BCORL1: variants seen among roughly 807,000 people sequenced by gnomAD.
BCORL1 encodes BCL-6 corepressor-like protein 1.
A neutral mutation model predicts 87.6 loss-of-function variants in BCORL1; 7 were observed. The ratio of observed to expected loss-of-function variants is 0.08; its 90% CI spans 0.05 to 0.15. The LOEUF is 0.15. BCORL1 is among the 10% of genes least tolerant of loss of function. The probability of loss-of-function intolerance (pLI) is 1.00; values close to 1 mark genes in which losing one functional copy is unlikely to be tolerated. For missense variants in BCORL1, 1,215 were observed against 1,499.7 expected (o/e 0.81, Z 3.13); for synonymous variants, 591 against 634.4 (o/e 0.93, Z 1.03).
chrX:130,037,842 G>A (rs774505360), intron 10 of BCORL1, among the ~76,000 whole-genome samples: 3 of 111,612 alleles, frequency 2.7e-5, no homozygotes, highest in Admixed American at 9.5e-5. Context: ...AGTGAGCCGC[G>A]ACCATGCCAT....
intron 5 of BCORL1, among the ~76,000 whole-genome samples, chrX:130,021,674 A>G (rs142357493): frequency 3.6e-5 from 4 of 111,552 alleles, no homozygotes; most frequent in African/African-American, 9.8e-5. Flanking sequence ...TTTTGCCACT[A>G]ATAGTTTCTG....
At chrX:130,052,735 C>T (rs1009344174) in intron 13 of BCORL1, among the ~76,000 whole-genome samples, 1 of 112,543 alleles carries the variant, frequency 8.9e-6, no homozygotes, top group African/African-American at 3.2e-5. Flanking sequence ...TTATTCTTAG[C>T]CTCCATGATT....
At chrX:129,994,774 A>G (rs1366861067) in intron 1 of BCORL1, among the ~76,000 whole-genome samples, 1 of 108,700 alleles carries the variant, frequency 9.2e-6, no homozygotes, top group African/African-American at 3.5e-5. Context: ...CCCTTGGGGT[A>G]GATATCAGTG....
At chrX:130,002,338 G>T (rs1928112423) in intron 1 of BCORL1, among the ~76,000 whole-genome samples, 1 of 109,595 alleles carries the variant, frequency 9.1e-6, no homozygotes, top group Admixed American at 9.9e-5. Context: ...GGAGTCATCA[G>T]TGCATCAAGG....
intron 1 of BCORL1, among the ~76,000 whole-genome samples, chrX:129,992,322 T>A (rs974722822): frequency 1.8e-5 from 2 of 110,824 alleles, no homozygotes; most frequent in Non-Finnish European, 3.8e-5. Context: ...TGTGGTGGCA[T>A]GTGTCTATAG....
chrX:129,988,370 A>G (rs1926797493), intron 1 of BCORL1, among the ~76,000 whole-genome samples: 1 of 110,981 alleles, frequency 9.0e-6, no homozygotes, highest in Admixed American at 9.7e-5. Flanking sequence ...CTGTGTTTCT[A>G]TCCCCGTAAT....
chrX:129,998,476 G>C (rs929618305), intron 1 of BCORL1, among the ~76,000 whole-genome samples: 2 of 111,638 alleles, frequency 1.8e-5, no homozygotes, highest in Admixed American at 9.5e-5. Context: ...TGCCTGCAAG[G>C]CTTTTCCTTT....
Position 130,028,735 on chromosome X carries a change from G to A in BCORL1, c.4179G>A (p.Ser1393=), listed in dbSNP as rs202175368. The A allele has an allele frequency of 1.4e-5, 17 of 1,207,904 alleles. No homozygotes were observed. The East Asian group carries it at 2.4e-4, about 17-fold the overall frequency. ...TGCCCAACAAAGTCCAGGGGATCTCGGATTCACCAAACGGTTTCCTCCCAA... is the reference window on the plus strand; with the variant it reads ...TGCCCAACAAAGTCCAGGGGATCTCAGATTCACCAAACGGTTTCCTCCCAA... ...LLLPNKVQGI[S]DSPNGFLPNN... is the part of the protein sequence containing the mutation. The change falls in exon 8 of 14, where the codon TCG becomes TCA. Residue 1393 remains serine, a synonymous_variant. Transcript: ENST00000540052.
chrX:129,991,274 G>A (rs1171569523), intron 1 of BCORL1, among the ~76,000 whole-genome samples: 1 of 110,743 alleles, frequency 9.0e-6, no homozygotes, highest in Non-Finnish European at 1.9e-5. Context: ...CCACCACCAC[G>A]CCTGGCTGAT....
chrX:130,026,959 G>A (rs1308319497), intron 7 of BCORL1, among the ~76,000 whole-genome samples: 1 of 113,575 alleles, frequency 8.8e-6, no homozygotes, highest in Non-Finnish European at 1.9e-5. Context: ...TTCTGTCTGA[G>A]CCTCCTGACT....
chrX:130,037,367 G>A lies in BCORL1; in HGVS notation c.4528G>A (p.Asp1510Asn). Residue 1510 changes from aspartate to asparagine, a missense_variant and splice_region_variant, in exon 10 of 14, where the codon GAT (aspartate) becomes AAT (asparagine). Coordinates refer to ENST00000540052, the MANE Select transcript of BCORL1 (RefSeq NM_001379451.1). ...LQRAARLGYK[D>N]VVLYCLQKDS... is the part of the protein sequence containing the mutation. ...CATGGAGTTGTCCCTGTCCCCACAG[G>A]ATGTTGTTCTCTACTGCCTCCAGAA... 1.7e-6 allele frequency: 2 copies of A among 1,210,877 alleles called. No individual in the cohort carries two copies. The highest frequency in any genetic ancestry group is 2.2e-6 in the Non-Finnish European group (2 of 894,693).
intron 13 of BCORL1, among the ~76,000 whole-genome samples, chrX:130,052,981 CAT>C (rs1259006275): frequency 2.7e-5 from 3 of 110,992 alleles, no homozygotes; most frequent in Non-Finnish European, 5.7e-5. Flanking sequence ...GTCTACTAAA[CAT>C]ACAGAAATTA....
chrX:130,033,865 C>T (rs1341186040), intron 8 of BCORL1, among the ~76,000 whole-genome samples: 2 of 110,563 alleles, frequency 1.8e-5, no homozygotes, highest in Admixed American at 1.9e-4. Flanking sequence ...ACCTGTAATC[C>T]CAGCTACTCA....
chrX:130,037,456 C>T lies in BCORL1; in HGVS notation c.4617C>T (p.Ser1539=), dbSNP rs775481616. Reference sequence around the variant, plus strand: ...ACACAGCCCTGCATGAGGCTTGTTCCCGGGGCTGGACCGACATCCTGAACA... The same window carrying T: ...ACACAGCCCTGCATGAGGCTTGTTCTCGGGGCTGGACCGACATCCTGAACA... The part of the protein sequence containing the change: ...AGYTALHEAC[S]RGWTDILNIL... Residue 1539 remains serine (S), a synonymous_variant, in exon 10 of 14, where the codon TCC becomes TCT. Coordinates refer to ENST00000540052, the MANE Select transcript of BCORL1 (RefSeq NM_001379451.1). The T allele has an allele frequency of 4.1e-6, 5 of 1,209,985 alleles. No homozygotes were observed. In the Admixed American group the frequency reaches 8.7e-5, roughly 21 times the overall value.
At position 130,027,483 on chromosome X, in the gene BCORL1, T is replaced by TCAATGTCA. The variant is rs771733333; in HGVS notation, c.4079-1149_4079-1142dup. Among the ~76,000 whole-genome samples the TCAATGTCA allele has an allele frequency of 2.3e-4, 26 of 112,368 alleles. No individual in the cohort carries two copies. The Admixed American group carries it at 2.5e-3, about 11-fold the overall frequency. On this transcript the variant is annotated intron_variant, in intron 7 of 13. Coordinates refer to ENST00000540052, the MANE Select transcript of BCORL1 (RefSeq NM_001379451.1). Reference sequence around the variant, plus strand: ...GCTTCCACATCTGGATCTGCCTTTGTCAATGTCACATGTGAGAGCCCGTGT... The same window carrying TCAATGTCA: ...GCTTCCACATCTGGATCTGCCTTTGTCAATGTCACAATGTCACATGTGAGAGCCCGTGT...
intron 1 of BCORL1, among the ~76,000 whole-genome samples, chrX:130,004,657 G>C (rs187743517): frequency 8.9e-6 from 1 of 111,987 alleles, no homozygotes; most frequent in South Asian, 3.7e-4. Context: ...GGTTAGATAC[G>C]TGTGTTATTT....
chrX:130,011,639 T>C (rs1220486429), intron 2 of BCORL1, among the ~76,000 whole-genome samples: 1 of 97,995 alleles, frequency 1.0e-5, no homozygotes, highest in Non-Finnish European at 2.0e-5. Context: ...TTTTCTATGA[T>C]GCTTACCTGA....
At chrX:129,992,442 C>G (rs778553359) in intron 1 of BCORL1, among the ~76,000 whole-genome samples, 36 of 111,527 alleles carry the variant, frequency 3.2e-4, no homozygotes, top group Non-Finnish European at 6.2e-4. Context: ...AGAGTTGAGA[C>G]CCAGTCTTAA....
intron 10 of BCORL1, among the ~76,000 whole-genome samples, chrX:130,038,393 G>A (rs997205666): frequency 9.0e-6 from 1 of 111,013 alleles, no homozygotes; most frequent in South Asian, 3.8e-4. Flanking sequence ...TCTGCCTGGC[G>A]TGTGGAGCCC....
Sources: allele counts gnomAD v4.1 joint callset (sites outside exome capture counted in the v4.1 genomes callset), GRCh38; gene constraint gnomAD v4.1.1; transcripts MANE v1.5; gene names NCBI Gene and HGNC (gene_info 2026-07-23, HGNC 2026-07-21).